Variants in CXXC4 observed in about 807,000 individuals in gnomAD.
CXXC4 encodes CXXC finger protein 4, also known as CXXC-type zinc finger protein 4.
Under a neutral mutation model 20.5 loss-of-function variants are expected in CXXC4, and 5 were observed. That is an observed-to-expected ratio of 0.24 (90% CI 0.13 to 0.51). CXXC4 has a LOEUF of 0.51. Among genes scored for constraint, CXXC4 ranks in the 20% least tolerant of loss-of-function variants. CXXC4 has a pLI of 0.97. For missense variants in CXXC4, 419 were observed against 496.4 expected, an observed-to-expected ratio of 0.84 and a Z score of 1.48; for synonymous variants, 250 against 216.4, an observed-to-expected ratio of 1.16 and a Z score of -1.36.
chr4:104,491,371 G>A lies in CXXC4; in HGVS notation c.432C>T (p.Ser144=). The A allele has an allele frequency of 2.1e-6, 3 of 1,404,722 alleles. No individual in the cohort carries two copies. In the South Asian group the frequency reaches 5.2e-5, roughly 24 times the overall value. 87.0% of individuals were successfully genotyped at this position (1,404,722 alleles called of 1,614,324 possible). Residue 144 remains serine (S), a synonymous_variant, in exon 2 of 3, where the codon TCC becomes TCT. Transcript: ENST00000394767. ...GRKSSSAAAS[S]SASSSSAILP... The stretch of plus-strand genomic sequence containing the variant: ...GGATCGCCGAGGAGGAGGAGGCGGA[G>A]GAGGAGGCGGCGGCGGAGGAGGATT...
rs1231737870 is a variant in CXXC4 at position 104,468,840 on chromosome 4, C to T, written c.*3482G>A. The T allele has an allele frequency of 6.6e-6, 1 of 151,926 alleles. No homozygotes were observed. Among genetic ancestry groups the T allele is most frequent in the Non-Finnish European group, 1.5e-5 (1 of 67,960 alleles). 9.4% of individuals were successfully genotyped at this position (151,926 alleles called of 1,614,324 possible). On this transcript the variant is annotated 3_prime_UTR_variant, in exon 3 of 3. Coordinates refer to ENST00000394767, the MANE Select transcript of CXXC4 (RefSeq NM_025212.4). ...CCTGAATAGTGTGTTCATTTAACTGCTTTCCTTTTTTCATTATTTGATTAC... is the reference window on the plus strand; with the variant it reads ...CCTGAATAGTGTGTTCATTTAACTGTTTTCCTTTTTTCATTATTTGATTAC...
rs1736281250 is a variant in CXXC4 at position 104,471,697 on chromosome 4, T to C, written c.*625A>G. On this transcript the variant is annotated 3_prime_UTR_variant, in exon 3 of 3. Coordinates refer to ENST00000394767, the MANE Select transcript of CXXC4 (RefSeq NM_025212.4). ...AATTGGTGGATGCATCATAATCTTT[T>C]AGTCTTGTAAAACTTGGCATCAAGT... 1 of 152,090 alleles carries C rather than the reference T, an allele frequency of 6.6e-6. No individual in the cohort carries two copies. Among genetic ancestry groups the C allele is most frequent in the African/African-American group, 2.4e-5 (1 of 41,436 alleles). 9.4% of individuals were successfully genotyped at this position (152,090 alleles called of 1,614,324 possible).
chr4:104,485,899 T>C (rs756001569), intron 2 of CXXC4, among the ~76,000 whole-genome samples: 1 of 152,094 alleles, frequency 6.6e-6, no homozygotes, highest in Non-Finnish European at 1.5e-5. Flanking sequence ...CTAAACAAAA[T>C]ATAGAGAAAT....
intron 2 of CXXC4, among the ~76,000 whole-genome samples, chr4:104,480,214 A>G (rs193221437): frequency 3.3e-5 from 5 of 152,290 alleles, no homozygotes; most frequent in Admixed American, 2.0e-4. Context: ...ATATAAACCT[A>G]TATACTCAGT....
chr4:104,491,550 C>G lies in CXXC4; in HGVS notation c.253G>C (p.Gly85Arg). The G allele has an allele frequency of 7.4e-6, 11 of 1,495,900 alleles. No individual in the cohort carries two copies. Among genetic ancestry groups the G allele is most frequent in the Non-Finnish European group, 9.8e-6 (11 of 1,120,554 alleles). 92.7% of individuals were successfully genotyped at this position (1,495,900 alleles called of 1,614,324 possible). The change falls in exon 2 of 3, where the codon GGC (glycine) becomes CGC (arginine). Residue 85 changes from glycine (G) to arginine (R), a missense_variant. Coordinates refer to ENST00000394767, the MANE Select transcript of CXXC4 (RefSeq NM_025212.4). The stretch of plus-strand genomic sequence containing the variant: ...TTGTCGCAGTTCCAGGGGGACATGC[C>G]GATGCGCGCGGCGGCCGCGGCGGCG... ...AAAAAAAARI[G>R]MSPWNCDNAA...
At chr4:104,483,099 T>C (rs947752568) in intron 2 of CXXC4, among the ~76,000 whole-genome samples, 1 of 152,044 alleles carries the variant, frequency 6.6e-6, no homozygotes, top group African/African-American at 2.4e-5. Context: ...ATGTTTCAAA[T>C]GCATAAGTAA....
intron 2 of CXXC4, 67 bp from the exon 3 acceptor site, chr4:104,472,433 T>C: frequency 8.9e-7 from 1 of 1,123,764 alleles, no homozygotes; most frequent in Non-Finnish European, 1.3e-6. Context: ...TAGATTTTTC[T>C]CCTTTACACT....
In CXXC4 at chr4:104,491,871, AG is replaced by A; in HGVS notation, c.-70del. The stretch of plus-strand genomic sequence containing the variant: ...GCCTGGTCCGACACCTGGGTGGAAA[AG>A]GGGGAAAGGTGGGGGGGAGGGAAGG... On this transcript the variant is annotated 5_prime_UTR_variant, in exon 2 of 3. Transcript: ENST00000394767. 2.1e-5 allele frequency: 7 copies of A among 331,128 alleles called. No homozygotes were observed. Among genetic ancestry groups the A allele is most frequent in the Non-Finnish European group, 2.5e-5 (7 of 278,216 alleles). 20.5% of individuals were successfully genotyped at this position (331,128 alleles called of 1,614,324 possible).
Position 104,491,614 on chromosome 4 carries a change from G to C in CXXC4, c.189C>G (p.Ile63Met). ...GGAAGATGGGGGTGGTGATGCGCGC[G>C]ATCTTGGCCGCCTGTGGGAAGGCGC... The part of the protein sequence containing the change: ...NGGAFPQAAK[I>M]ARITTPIFPS... The change falls in exon 2 of 3, where the codon ATC becomes ATG. Residue 63 changes from isoleucine to methionine, a missense_variant. This residue lies in a region of CXXC4 where 388 missense variants were observed against 416.0 expected (regional missense o/e 0.93). Transcript: ENST00000394767. 6.5e-7 allele frequency: 1 copy of C among 1,542,186 alleles called. No homozygotes were observed.
intron 2 of CXXC4, among the ~76,000 whole-genome samples, chr4:104,480,446 G>A (rs1736523687): frequency 6.6e-6 from 1 of 152,074 alleles, no homozygotes; most frequent in East Asian, 1.9e-4. Flanking sequence ...GGGTTGGATA[G>A]CCTTGAGCTC....
intron 2 of CXXC4, among the ~76,000 whole-genome samples, chr4:104,478,134 T>G (rs910085460): frequency 6.6e-6 from 1 of 152,168 alleles, no homozygotes; most frequent in Non-Finnish European, 1.5e-5. Context: ...GATGGAGAAC[T>G]AGAGATGGCC....
Position 104,491,395 on chromosome 4 carries a change from T to A in CXXC4, c.408A>T (p.Lys136Asn). The A allele has an allele frequency of 8.2e-7, 1 of 1,218,498 alleles. No homozygotes were observed. The highest frequency in any genetic ancestry group is 1.8e-5 in the African/African-American group (1 of 56,004). 75.5% of individuals were successfully genotyped at this position (1,218,498 alleles called of 1,614,324 possible). ...AGGAGGAGGCGGCGGCGGAGGAGGA[T>A]TTCCTGCCGCCCCCACCACCCCCGC... ...GGGGGGGGGR[K>N]SSSAAASSSA... The change falls in exon 2 of 3, where the codon AAA (lysine) becomes AAT (asparagine). Residue 136 changes from lysine (K) to asparagine (N), a missense_variant. By Grantham distance (94) the Lys-to-Asn change is moderately conservative (BLOSUM62 0). This residue lies in a region of CXXC4 where 388 missense variants were observed against 416.0 expected (regional missense o/e 0.93). Transcript: ENST00000394767.
intron 2 of CXXC4, chr4:104,475,125 A>C (rs1256415052): frequency 6.6e-6 from 1 of 152,150 alleles, no homozygotes; most frequent in Non-Finnish European, 1.5e-5. Context: ...CTATGCATAC[A>C]TTGAGACCAG....
At chr4:104,481,645 TA>T (rs1460958339) in intron 2 of CXXC4, among the ~76,000 whole-genome samples, 1 of 152,062 alleles carries the variant, frequency 6.6e-6, no homozygotes, top group Non-Finnish European at 1.5e-5. Context: ...AAAGAACATT[TA>T]GGGTTCTTTA....
chr4:104,486,931 A>G (rs759198822), intron 2 of CXXC4, among the ~76,000 whole-genome samples: 6 of 152,128 alleles, frequency 3.9e-5, no homozygotes, highest in Non-Finnish European at 8.8e-5. Flanking sequence ...TTAGAACTTA[A>G]CAGCGTAAAC....
At chr4:104,484,997 T>C (rs1736647189) in intron 2 of CXXC4, among the ~76,000 whole-genome samples, 2 of 152,152 alleles carry the variant, frequency 1.3e-5, no homozygotes, top group South Asian at 2.1e-4. Flanking sequence ...TTTAAAAGTA[T>C]GTTAAAAATG....
chr4:104,491,861 T>C lies in CXXC4; in HGVS notation c.-59A>G. ...AGTGGGGACCGCCTGGTCCGACACC[T>C]GGGTGGAAAAGGGGGAAAGGTGGGG... On this transcript the variant is annotated 5_prime_UTR_variant, in exon 2 of 3. Transcript: ENST00000394767. 3.2e-6 allele frequency: 2 copies of C among 620,582 alleles called. No individual in the cohort carries two copies. Among genetic ancestry groups the C allele is most frequent in the Non-Finnish European group, 3.8e-6 (2 of 529,918 alleles). 38.4% of individuals were successfully genotyped at this position (620,582 alleles called of 1,614,324 possible).
rs1736257313 is a variant in CXXC4, at chr4:104,470,970, G to C, written c.*1352C>G. 1 of 151,652 alleles carries C rather than the reference G, an allele frequency of 6.6e-6. No individual in the cohort carries two copies. Among genetic ancestry groups the C allele is most frequent in the East Asian group, 1.9e-4 (1 of 5,156 alleles). 9.4% of individuals were successfully genotyped at this position (151,652 alleles called of 1,614,324 possible). On this transcript the variant is annotated 3_prime_UTR_variant, in exon 3 of 3. Coordinates refer to ENST00000394767, the MANE Select transcript of CXXC4 (RefSeq NM_025212.4). ...CTTTGTGTGTAGGTTGTGGGGGGAG[G>C]GGTATGTCATGCATTTATGAAATTC... is the stretch of plus-strand genomic sequence containing the variant.
At chr4:104,474,009 G>A (rs549748222) in intron 2 of CXXC4, among the ~76,000 whole-genome samples, 17 of 151,964 alleles carry the variant, frequency 1.1e-4, no homozygotes, top group East Asian at 3.9e-4. Context: ...CATGCTTTTC[G>A]CTATCTGTAC....
Sources: allele counts gnomAD v4.1 joint callset (sites outside exome capture counted in the v4.1 genomes callset), GRCh38; gene constraint gnomAD v4.1.1; regional missense constraint gnomAD v4.1.1; transcripts MANE v1.5; gene names NCBI Gene and HGNC (gene_info 2026-07-23, HGNC 2026-07-21).